Variants in STPG2 observed in about 807,000 individuals in gnomAD.
The protein encoded by STPG2 is sperm-tail PG-rich repeat-containing protein 2.
A neutral mutation model predicts 54.2 loss-of-function variants in STPG2; 56 were observed. That is an observed-to-expected ratio of 1.03 (90% confidence interval 0.83 to 1.29). The LOEUF is 1.29. STPG2 is among the 50% of genes most tolerant of loss of function. The pLI is 0.00. For synonymous variants in STPG2, 200 were observed against 181.8 expected (o/e 1.10, Z -0.81); for missense variants, 596 against 544.9 (o/e 1.09, Z -0.93).
chr4:97,479,105 C>T lies in STPG2; in HGVS notation c.462+233594G>A, dbSNP rs142697558. On this transcript the variant is annotated intron_variant, in intron 4 of 4. Transcript: ENST00000522676. Reference sequence around the variant, plus strand: ...AATTTGAAACTATTAGAAGGATATACATAGCAGAATATGTGTGTGGTTATG... The same window carrying T: ...AATTTGAAACTATTAGAAGGATATATATAGCAGAATATGTGTGTGGTTATG... 6.0e-3 allele frequency among the ~76,000 whole-genome samples: 918 copies of T among 151,770 alleles called. 5 individuals carry two copies. Among genetic ancestry groups the T allele is most frequent in the South Asian group, 0.02 (98 of 4,800 alleles).
At chr4:97,475,592 G>A (rs954921991) in intron 4 of STPG2, among the ~76,000 whole-genome samples, 1 of 151,812 alleles carries the variant, frequency 6.6e-6, no homozygotes, top group Non-Finnish European at 1.5e-5. Context: ...TGTATGGTTG[G>A]TATGTGTGTA....
intron 9 of STPG2, among the ~76,000 whole-genome samples, chr4:97,816,812 C>A (rs1170666306): frequency 6.7e-6 from 1 of 150,216 alleles, no homozygotes; most frequent in Non-Finnish European, 1.5e-5. Flanking sequence ...CTCTTTCTGA[C>A]CCTCTTCCTT....
intron 9 of STPG2, among the ~76,000 whole-genome samples, chr4:97,781,309 G>A (rs545469738): frequency 1.6e-4 from 25 of 152,198 alleles, no homozygotes; most frequent in Admixed American, 8.5e-4. Context: ...ACACCTCTAC[G>A]CAAATAAACT....
intron 4 of STPG2, among the ~76,000 whole-genome samples, chr4:98,106,871 T>A (rs1739202793): frequency 6.6e-6 from 1 of 152,148 alleles, no homozygotes; most frequent in Non-Finnish European, 1.5e-5. Context: ...CACACTACTA[T>A]TTTTTCTATT....
chr4:98,118,493 T>C (rs1739584198), intron 3 of STPG2, among the ~76,000 whole-genome samples: 1 of 152,104 alleles, frequency 6.6e-6, no homozygotes, highest in African/African-American at 2.4e-5. Flanking sequence ...AGAGAAAGTC[T>C]AGAATAAACC....
intron 4 of STPG2, among the ~76,000 whole-genome samples, chr4:97,471,302 T>G (rs1729921344): frequency 6.6e-6 from 1 of 152,158 alleles, no homozygotes; most frequent in African/African-American, 2.4e-5. Flanking sequence ...TATAGAATTG[T>G]TACATATTAC....
chr4:97,758,842 T>C (rs944784730), intron 9 of STPG2, among the ~76,000 whole-genome samples: 7 of 151,302 alleles, frequency 4.6e-5, no homozygotes, highest in Non-Finnish European at 7.4e-5. Context: ...ATTTCAGATA[T>C]GAAAAGGGTA....
chr4:97,694,710 G>A (rs1578486122), intron 10 of STPG2, among the ~76,000 whole-genome samples: 1 of 148,144 alleles, frequency 6.8e-6, no homozygotes, highest in East Asian at 2.1e-4. Flanking sequence ...CTACTCAGGA[G>A]GCTGAGGCAG....
At chr4:97,648,111 C>T (rs1219071871) in intron 10 of STPG2, among the ~76,000 whole-genome samples, 1 of 152,006 alleles carries the variant, frequency 6.6e-6, no homozygotes, top group Non-Finnish European at 1.5e-5. Context: ...TGAAGTAATC[C>T]TAGGGGAAGG....
intron 10 of STPG2, among the ~76,000 whole-genome samples, chr4:97,707,379 G>C (rs993187666): frequency 9.2e-5 from 14 of 152,058 alleles, no homozygotes; most frequent in African/African-American, 2.9e-4. Context: ...AAATTAGCCA[G>C]GTATGGTGGT....
intron 9 of STPG2, among the ~76,000 whole-genome samples, chr4:97,780,928 A>G (rs1394859860): frequency 1.8e-4 from 27 of 152,286 alleles, no homozygotes; most frequent in East Asian, 3.9e-4. Context: ...ACACATTTAA[A>G]GCAGTGGGTA....
chr4:97,442,599 A>G (rs1729117661), intron 4 of STPG2, among the ~76,000 whole-genome samples: 1 of 152,116 alleles, frequency 6.6e-6, no homozygotes, highest in South Asian at 2.1e-4. Flanking sequence ...TCCATCTGTA[A>G]TGATAAAGTT....
At chr4:97,476,982 A>T (rs1018579849) in intron 4 of STPG2, among the ~76,000 whole-genome samples, 9 of 152,204 alleles carry the variant, frequency 5.9e-5, no homozygotes, top group Non-Finnish European at 2.9e-5. Flanking sequence ...GAGTTTGGGG[A>T]CAAAACCACA....
intron 5 of STPG2, among the ~76,000 whole-genome samples, chr4:98,007,639 A>C (rs1735615690): frequency 6.6e-6 from 1 of 152,166 alleles, no homozygotes; most frequent in Non-Finnish European, 1.5e-5. Flanking sequence ...TGCAAGATAA[A>C]GAATTCAAAG....
intron 9 of STPG2, among the ~76,000 whole-genome samples, chr4:97,753,956 A>G (rs1353816070): frequency 6.6e-6 from 1 of 151,958 alleles, no homozygotes; most frequent in Non-Finnish European, 1.5e-5. Context: ...ATTTTCTCCC[A>G]TTGAGTAGAT....
At chr4:97,866,322 T>C (rs957094210) in intron 8 of STPG2, among the ~76,000 whole-genome samples, 2 of 152,024 alleles carry the variant, frequency 1.3e-5, no homozygotes, top group African/African-American at 4.8e-5. Context: ...GATTTGATTA[T>C]TATGCACTGT....
chr4:97,863,139 A>G (rs1197769249), intron 8 of STPG2, among the ~76,000 whole-genome samples: 1 of 152,196 alleles, frequency 6.6e-6, no homozygotes, highest in Non-Finnish European at 1.5e-5. Context: ...AACCCTTAAA[A>G]AAATCAATGA....
At chr4:97,833,000 GA>G (rs1728515094) in intron 9 of STPG2, among the ~76,000 whole-genome samples, 1 of 152,032 alleles carries the variant, frequency 6.6e-6, no homozygotes, top group Non-Finnish European at 1.5e-5. Flanking sequence ...CTCAGTATTG[GA>G]AAAAACTACT....
rs184884104 is a variant in STPG2 at position 97,799,650 on chromosome 4, A to G, written c.1204+41123T>C. Among the ~76,000 whole-genome samples, 861 of 152,148 alleles carry G rather than the reference A, an allele frequency of 5.7e-3. 5 individuals are homozygous for G. Among genetic ancestry groups the G allele is most frequent in the Middle Eastern group, 0.02 (6 of 294 alleles). ...CCATTTCAACTTTGGTGAAACTGAC[A>G]ATTATGTGTCTTGGAGTTGCTCTTC... On this transcript the variant is annotated intron_variant, in intron 9 of 10. Coordinates refer to ENST00000295268, the MANE Select transcript of STPG2 (RefSeq NM_174952.3).
Sources: gnomAD v4.1 joint callset for allele counts (sites outside exome capture counted in the v4.1 genomes callset) on GRCh38, gnomAD v4.1.1 for gene constraint, MANE v1.5 for transcripts, NCBI Gene and HGNC (gene_info 2026-07-23, HGNC 2026-07-21) for gene names.